SESN1: variants seen among roughly 807,000 people sequenced by gnomAD.
SESN1 encodes the protein sestrin 1.
Under a neutral mutation model 59.3 loss-of-function variants are expected in SESN1, and 30 were observed. That is an observed-to-expected ratio of 0.51 (90% CI 0.38 to 0.69). SESN1 has a LOEUF of 0.69. SESN1 is among the 30% of genes least tolerant of loss of function. The pLI is 0.00. For missense variants in SESN1, 566 were observed against 673.0 expected (o/e 0.84, Z 1.76); for synonymous variants, 197 against 219.9 (o/e 0.90, Z 0.92).
chr6:109,017,476 G>A (rs1304214138), intron 1 of SESN1, among the ~76,000 whole-genome samples: 3 of 151,994 alleles, frequency 2.0e-5, no homozygotes, highest in East Asian at 3.9e-4. Flanking sequence ...TAGTAGAGAC[G>A]GGGTTTCACC....
intron 1 of SESN1, among the ~76,000 whole-genome samples, chr6:109,006,372 A>C (rs1274627273): frequency 3.9e-5 from 6 of 152,212 alleles, no homozygotes; most frequent in Non-Finnish European, 5.9e-5. Flanking sequence ...ATATGTATGC[A>C]TGTGCCATGT....
Position 108,992,884 on chromosome 6 carries a change from G to GT in SESN1, c.1135dup (p.Thr379AsnfsTer11), listed in dbSNP as rs1289806688. On this transcript the variant is annotated frameshift_variant, in exon 7 of 10. Transcript: ENST00000436639. LOFTEE classifies it high-confidence loss of function. Reference sequence around the variant, plus strand: ...ATGACGAGATACAGCTCTTGCTGGTGTAACTTCTTCATCATCTGGGAAAAA... The same window carrying GT: ...ATGACGAGATACAGCTCTTGCTGGTGTTAACTTCTTCATCATCTGGGAAAAA... 1 of 1,610,280 alleles carries GT rather than the reference G, an allele frequency of 6.2e-7. No individual in the cohort carries two copies. The highest frequency in any genetic ancestry group is 1.7e-5 in the Admixed American group (1 of 59,726).
At chr6:108,990,507 T>C (rs1178360989) in intron 8 of SESN1, 138 bp downstream of exon 8, 4 of 768,328 alleles carry the variant, frequency 5.2e-6, no homozygotes, top group East Asian at 2.6e-5. Context: ...CTTTGAAGCA[T>C]AAATAGCATA....
intron 1 of SESN1, chr6:109,009,067 C>CT (rs1252768445): frequency 1.1e-6 from 1 of 923,124 alleles, no homozygotes; most frequent in Non-Finnish European, 1.4e-6. Context: ...GTATTGGAGA[C>CT]TTTCATTTAC....
intron 1 of SESN1, among the ~76,000 whole-genome samples, chr6:109,085,141 AC>A (rs1781191944): frequency 2.0e-5 from 3 of 151,568 alleles, no homozygotes; most frequent in Admixed American, 2.0e-4. Context: ...AAAAAAAAAA[AC>A]AAGCATAAAA....
intron 1 of SESN1, among the ~76,000 whole-genome samples, chr6:109,078,079 T>C (rs1342915340): frequency 1.3e-5 from 2 of 152,156 alleles, no homozygotes; most frequent in Non-Finnish European, 2.9e-5. Flanking sequence ...ATAAATATTT[T>C]ACATACTATT....
At chr6:109,039,954 G>A (rs918506399) in intron 1 of SESN1, among the ~76,000 whole-genome samples, 9 of 152,322 alleles carry the variant, frequency 5.9e-5, no homozygotes, top group East Asian at 1.9e-4. Flanking sequence ...AGCTGTGGCT[G>A]GGATTTCACA....
At position 108,986,379 on chromosome 6, in the gene SESN1, A is replaced by AACTC. The variant is rs1271746769; in HGVS notation, c.*1161_*1164dup. 55 of 150,564 alleles carry AACTC rather than the reference A, an allele frequency of 3.7e-4. No individual in the cohort carries two copies. The highest frequency in any genetic ancestry group is 1.4e-3 in the African/African-American group (55 of 39,926). 9.3% of individuals were successfully genotyped at this position (150,564 alleles called of 1,614,324 possible). On this transcript the variant is annotated 3_prime_UTR_variant, in exon 10 of 10. Transcript: ENST00000436639. ...TACTTGGCTTATGAAAGTAGATAGA[A>AACTC]ACTCAAAATTATTACTAATAGTGAA... is the stretch of plus-strand genomic sequence containing the variant.
chr6:109,088,364 AT>A (rs1156246636), intron 1 of SESN1: 2 of 151,940 alleles, frequency 1.3e-5, no homozygotes, highest in African/African-American at 4.8e-5. Flanking sequence ...TTATTGTTAC[AT>A]TTTCAATCTA....
intron 1 of SESN1, among the ~76,000 whole-genome samples, chr6:109,009,974 TC>T (rs996699532): frequency 1.3e-5 from 2 of 152,246 alleles, no homozygotes; most frequent in African/African-American, 4.8e-5. Flanking sequence ...TATTGAAATT[TC>T]CCTTCTTCCT....
chr6:109,090,936 A>AT (rs983971886), intron 1 of SESN1, among the ~76,000 whole-genome samples: 1 of 151,320 alleles, frequency 6.6e-6, no homozygotes, highest in East Asian at 1.9e-4. Flanking sequence ...CACCCAGCTA[A>AT]TTTTTTTTTC....
At chr6:109,001,827 C>T (rs528505057) in intron 2 of SESN1, among the ~76,000 whole-genome samples, 1 of 152,290 alleles carries the variant, frequency 6.6e-6, no homozygotes, top group East Asian at 1.9e-4. Context: ...AAACCGCCTA[C>T]TCTCACTCAA....
chr6:109,001,539 G>A, intron 2 of SESN1, 51 bp from the exon 3 acceptor site: 2 of 1,519,696 alleles, frequency 1.3e-6, no homozygotes, highest in Non-Finnish European at 1.8e-6. Flanking sequence ...TTGGTGTTAA[G>A]GGAAGAAAAT....
chr6:109,033,844 T>A (rs1780217177), intron 1 of SESN1, among the ~76,000 whole-genome samples: 1 of 152,222 alleles, frequency 6.6e-6, no homozygotes, highest in Admixed American at 6.5e-5. Flanking sequence ...CCTCTCATAA[T>A]TGATTCCAGC....
At chr6:109,084,297 A>G (rs910372313) in intron 1 of SESN1, among the ~76,000 whole-genome samples, 1 of 152,198 alleles carries the variant, frequency 6.6e-6, no homozygotes, top group Non-Finnish European at 1.5e-5. Flanking sequence ...ACAGTGGCTC[A>G]CGCCTGTAAT....
At chr6:108,997,276 T>C (rs560400521) in intron 5 of SESN1, among the ~76,000 whole-genome samples, 1 of 152,358 alleles carries the variant, frequency 6.6e-6, no homozygotes, top group South Asian at 2.1e-4. Flanking sequence ...CAAGTACTTT[T>C]TTCTTTAGCC....
intron 1 of SESN1, among the ~76,000 whole-genome samples, chr6:109,063,347 G>T (rs889567892): frequency 6.6e-6 from 1 of 152,188 alleles, no homozygotes. Context: ...TTGGGCAGGG[G>T]GTTGGGGGGA....
chr6:108,992,825 A>G lies in SESN1; in HGVS notation c.1195T>C (p.Ser399Pro). The G allele has an allele frequency of 6.2e-7, 1 of 1,613,828 alleles. No homozygotes were observed. Among genetic ancestry groups the G allele is most frequent in the Non-Finnish European group, 8.5e-7 (1 of 1,179,812 alleles). Residue 399 changes from serine to proline, a missense_variant, in exon 7 of 10, where the codon TCT becomes CCT. Transcript: ENST00000436639. ...EDTSYGYKDFSRHGMHVPTFR... is the reference protein window; with the variant it reads ...EDTSYGYKDFPRHGMHVPTFR... ...GTTGGAACATGCATCCCATGTCTAG[A>G]GAAATCTTTATAGCCATAACTAGTA...
chr6:109,087,660 T>C (rs756268975), intron 1 of SESN1, among the ~76,000 whole-genome samples: 37 of 152,180 alleles, frequency 2.4e-4, no homozygotes, highest in Non-Finnish European at 4.4e-4. Flanking sequence ...ATGTTTGACA[T>C]GCACTACCTT....
Sources: gnomAD v4.1 joint callset for allele counts (sites outside exome capture counted in the v4.1 genomes callset) on GRCh38, gnomAD v4.1.1 for gene constraint, MANE v1.5 for transcripts, NCBI Gene and HGNC (gene_info 2026-07-23, HGNC 2026-07-21) for gene names.